INTS10: variants seen among roughly 807,000 people sequenced by gnomAD.
INTS10 encodes the protein integrator complex subunit 10.
INTS10 carries 44 observed loss-of-function variants against 94.4 expected under a neutral mutation model. The ratio of observed to expected loss-of-function variants is 0.47; its 90% CI spans 0.37 to 0.60. INTS10 has a LOEUF of 0.60. Among genes scored for constraint, INTS10 ranks in the 20% least tolerant of loss-of-function variants. INTS10 has a pLI of 0.00. For missense variants in INTS10, 797 were observed against 868.7 expected (o/e 0.92, Z 1.04); for synonymous variants, 341 against 320.7 (o/e 1.06, Z -0.68).
At chr8:19,820,023 GTCAA>G (rs1024801873) in intron 3 of INTS10, among the ~76,000 whole-genome samples, 1 of 152,190 alleles carries the variant, frequency 6.6e-6, no homozygotes, top group African/African-American at 2.4e-5. Flanking sequence ...TGTTGCTGTA[GTCAA>G]TCAAAGATTT....
intron 8 of INTS10, among the ~76,000 whole-genome samples, chr8:19,825,485 C>G (rs568664077): frequency 6.7e-6 from 1 of 149,406 alleles, no homozygotes; most frequent in South Asian, 2.1e-4. Context: ...GAGGTCGCAC[C>G]TTGCACTCCA....
chr8:19,840,763 G>A (rs2068068217), intron 13 of INTS10, among the ~76,000 whole-genome samples: 1 of 152,062 alleles, frequency 6.6e-6, no homozygotes, highest in Non-Finnish European at 1.5e-5. Context: ...AAAAAATCTA[G>A]CCCAGACTTC....
intron 12 of INTS10, among the ~76,000 whole-genome samples, chr8:19,835,736 C>A (rs1012359567): frequency 1.3e-5 from 2 of 152,154 alleles, no homozygotes; most frequent in Admixed American, 1.3e-4. Context: ...GCTTCACAAC[C>A]CTGTGGGCAT....
chr8:19,830,823 C>T (rs753069174), intron 10 of INTS10, among the ~76,000 whole-genome samples: 20 of 152,164 alleles, frequency 1.3e-4, no homozygotes, highest in African/African-American at 4.1e-4. Flanking sequence ...CAGGCACGTG[C>T]GACCATGCCC....
rs567057454 is a variant in INTS10 at position 19,838,986 on chromosome 8, C to T, written c.1639+1826C>T. Among the ~76,000 whole-genome samples, 8 of 152,086 alleles carry T rather than the reference C, an allele frequency of 5.3e-5. No individual in the cohort carries two copies. In the South Asian group the frequency reaches 1.2e-3, roughly 24 times the overall value. On this transcript the variant is annotated intron_variant, in intron 13 of 16. Coordinates refer to ENST00000397977, the MANE Select transcript of INTS10 (RefSeq NM_018142.4). ...ACTCGGGAGGCTGAGGCAGGGGAAT[C>T]GCTTGAACCCGGGAGGCGGAGGTTG... is the stretch of plus-strand genomic sequence containing the variant.
At position 19,823,320 on chromosome 8, in the gene INTS10, A is replaced by G; in HGVS notation, c.543A>G (p.Leu181=). The G allele has an allele frequency of 6.2e-6, 10 of 1,608,124 alleles. No homozygotes were observed. Among genetic ancestry groups the G allele is most frequent in the Non-Finnish European group, 8.5e-6 (10 of 1,174,842 alleles). Residue 181 remains leucine, a synonymous_variant, in exon 6 of 17, where the codon CTA becomes CTG. Transcript: ENST00000397977. ...RKLFVCDVLP[L]IINNHDVRLP... is the part of the protein sequence containing the mutation. ...CAACAGTTTGTGATGTCCTTCCTCT[A>G]ATAATTAACAACCATGATGTTCGAT...
At chr8:19,830,612 C>T (rs770352648) in intron 10 of INTS10, 53 bp downstream of exon 10, 29 of 1,492,872 alleles carry the variant, frequency 1.9e-5, no homozygotes, top group South Asian at 1.8e-4. Flanking sequence ...AAAATCATTA[C>T]GCTACTTCAA....
In INTS10 at chr8:19,849,248, T is replaced by G. The variant is rs1441884949; in HGVS notation, c.1977-2401T>G. 2 of 1,282,536 alleles carry G rather than the reference T, an allele frequency of 1.6e-6. No homozygotes were observed. Among genetic ancestry groups the G allele is most frequent in the African/African-American group, 1.5e-5 (1 of 65,712 alleles). 79.4% of individuals were successfully genotyped at this position (1,282,536 alleles called of 1,614,324 possible). On this transcript the variant is annotated intron_variant, in intron 16 of 16. Coordinates refer to ENST00000397977, the MANE Select transcript of INTS10 (RefSeq NM_018142.4). This position sits in a 1 kb window ranked among gnomAD's most constrained non-coding sequence, Gnocchi z 4.6. ...ATACAGACTGCTGACAGGTACCAAG[T>G]GGAATCAACGCCCGCTCATAGTGTG...
At chr8:19,840,802 G>C (rs1488566059) in intron 13 of INTS10, among the ~76,000 whole-genome samples, 1 of 152,190 alleles carries the variant, frequency 6.6e-6, no homozygotes, top group East Asian at 1.9e-4. Context: ...CTGCAGAACA[G>C]AAAGTTTCTG....
chr8:19,834,000 C>G (rs2067451317), intron 12 of INTS10, among the ~76,000 whole-genome samples: 2 of 131,698 alleles, frequency 1.5e-5, no homozygotes, highest in African/African-American at 5.6e-5. Context: ...GAGCCAGACT[C>G]TGTCTCAAAA....
At chr8:19,820,577 C>G in intron 4 of INTS10, 59 bp downstream of exon 4, 1 of 1,475,966 alleles carries the variant, frequency 6.8e-7, no homozygotes, top group Non-Finnish European at 9.3e-7. Flanking sequence ...TCAACAGATT[C>G]ATCGGTATGG....
chr8:19,846,322 A>G lies in INTS10; in HGVS notation c.1976+525A>G, dbSNP rs1033538014. On this transcript the variant is annotated intron_variant, in intron 16 of 16. Coordinates refer to ENST00000397977, the MANE Select transcript of INTS10 (RefSeq NM_018142.4). This position sits in a 1 kb window ranked among gnomAD's most constrained non-coding sequence, Gnocchi z 4.2. ...ATAGTGGGCACCTGTAATCCCAGCT[A>G]CTTGGGAGGCTGAGGCAGGAGAACC... Among the ~76,000 whole-genome samples the G allele has an allele frequency of 6.6e-6, 1 of 151,930 alleles. No homozygotes were observed. The highest frequency in any genetic ancestry group is 1.5e-5 in the Non-Finnish European group (1 of 67,978).
chr8:19,845,258 G>T (rs562677028), intron 15 of INTS10, among the ~76,000 whole-genome samples: 70 of 152,226 alleles, frequency 4.6e-4, no homozygotes, highest in African/African-American at 1.7e-3. Flanking sequence ...GTAATCACTT[G>T]ATTTTTATGA....
chr8:19,822,783 C>G (rs992952857), intron 5 of INTS10, among the ~76,000 whole-genome samples: 4 of 152,038 alleles, frequency 2.6e-5, no homozygotes, highest in Non-Finnish European at 4.4e-5. Context: ...AAACCTGTCT[C>G]TACTAAAAAT....
intron 4 of INTS10, among the ~76,000 whole-genome samples, 173 bp downstream of exon 4, chr8:19,820,691 T>A (rs990899774): frequency 1.3e-5 from 2 of 152,200 alleles, no homozygotes; most frequent in African/African-American, 4.8e-5. Flanking sequence ...TTTCACCATA[T>A]TTTGTAAGTT....
At chr8:19,827,331 G>C (rs2066880332) in intron 9 of INTS10, among the ~76,000 whole-genome samples, 1 of 152,146 alleles carries the variant, frequency 6.6e-6, no homozygotes, top group Non-Finnish European at 1.5e-5. Context: ...TCCCTCTGAG[G>C]CTTCTCCTGA....
Position 19,830,448 on chromosome 8 carries a change from C to T in INTS10, c.1183C>T (p.His395Tyr). ...EDCSAKGRNRHIVVNKAELAN... is the reference protein window; with the variant it reads ...EDCSAKGRNRYIVVNKAELAN... ...CTGTTCGGCGAAAGGAAGAAATCGT[C>T]ACATTGTAGTCAATAAAGCCGAACT... The change falls in exon 10 of 17, where the codon CAC becomes TAC. Residue 395 changes from histidine to tyrosine, a missense_variant. Coordinates refer to ENST00000397977, the MANE Select transcript of INTS10 (RefSeq NM_018142.4). 6.2e-7 allele frequency: 1 copy of T among 1,613,958 alleles called. No homozygotes were observed. Among genetic ancestry groups the T allele is most frequent in the South Asian group, 1.1e-5 (1 of 91,056 alleles).
At chr8:19,838,123 A>G (rs2067813671) in intron 13 of INTS10, among the ~76,000 whole-genome samples, 1 of 152,236 alleles carries the variant, frequency 6.6e-6, no homozygotes, top group South Asian at 2.1e-4. Context: ...TGGGAAGCCA[A>G]GGATGGCAGA....
Position 19,824,107 on chromosome 8 carries a change from T to C in INTS10, c.836+63T>C. 3 of 1,397,378 alleles carry C rather than the reference T, an allele frequency of 2.1e-6. 1 individual carries two copies. Among genetic ancestry groups the C allele is most frequent in the South Asian group, 2.8e-5 (2 of 71,480 alleles). The allele number at this position is 1,397,378 out of a possible 1,614,324, so 86.6% of individuals were successfully genotyped here. On this transcript the variant is annotated intron_variant, in intron 7 of 16. Transcript: ENST00000397977. ...CTTTTGGATCCTTATAAAAACAAAA[T>C]CATGCTTTTTAAATCTGTGTAATGC...
Sources: gnomAD v4.1 joint callset for allele counts (sites outside exome capture counted in the v4.1 genomes callset) on GRCh38, gnomAD v4.1.1 for gene constraint, Gnocchi (gnomAD v3.1) non-coding constraint, MANE v1.5 for transcripts, NCBI Gene and HGNC (gene_info 2026-07-23, HGNC 2026-07-21) for gene names.